The following EYS variants were observed in gnomAD, a reference collection of about 807,000 sequenced individuals.
EYS encodes the protein protein eyes shut homolog.
In EYS, 250 loss-of-function variants were observed where a neutral mutation model predicts 282.1. The observed-to-expected ratio is 0.89, with a 90% CI of 0.80 to 0.98. The LOEUF (loss-of-function observed/expected upper bound fraction) is 0.98. Among genes scored for constraint, EYS ranks in the 50% least tolerant of loss-of-function variants. The pLI is 0.00. For missense variants in EYS, 4,016 were observed against 3,709.0 expected (o/e 1.08, Z -2.15); for synonymous variants, 1,355 against 1,282.9 (o/e 1.06, Z -1.20).
intron 13 of EYS, among the ~76,000 whole-genome samples, chr6:65,026,773 T>A (rs561852369): frequency 1.3e-5 from 2 of 152,050 alleles, no homozygotes; most frequent in South Asian, 4.1e-4. Context: ...AAAAATTAGC[T>A]GGGCGTGGTG....
chr6:64,539,618 T>C (rs2149798211), intron 26 of EYS, among the ~76,000 whole-genome samples: 1 of 152,170 alleles, frequency 6.6e-6, no homozygotes, highest in East Asian at 1.9e-4. Context: ...ATTTGCTGGG[T>C]CTGGGATGAG....
At chr6:65,312,979 T>G (rs1769200501) in intron 11 of EYS, among the ~76,000 whole-genome samples, 1 of 151,540 alleles carries the variant, frequency 6.6e-6, no homozygotes, top group South Asian at 2.1e-4. Context: ...TTTGCTTTAC[T>G]CCAGTCCTCA....
intron 26 of EYS, among the ~76,000 whole-genome samples, chr6:64,446,123 G>A (rs1775108929): frequency 6.6e-6 from 1 of 152,170 alleles, no homozygotes; most frequent in South Asian, 2.1e-4. Flanking sequence ...TGGAGTTTAA[G>A]GATGAGTCTA....
intron 33 of EYS, among the ~76,000 whole-genome samples, chr6:64,041,981 C>T (rs114787629): frequency 0.014 from 2,092 of 152,176 alleles, 40 homozygotes; most frequent in African/African-American, 0.046. Context: ...TCACTCACTC[C>T]CCTCTTCATA....
intron 5 of EYS, among the ~76,000 whole-genome samples, chr6:65,473,198 T>C (rs1364885342): frequency 6.6e-6 from 1 of 151,964 alleles, no homozygotes; most frequent in Non-Finnish European, 1.5e-5. Flanking sequence ...GGTAAGGGAC[T>C]GTATGGTTAA....
chr6:64,269,537 TAGAA>T (rs1465767731), intron 30 of EYS, among the ~76,000 whole-genome samples: 1 of 151,894 alleles, frequency 6.6e-6, no homozygotes, highest in Non-Finnish European at 1.5e-5. Context: ...ACCAAAAAAA[TAGAA>T]AGTGTTCTAA....
chr6:63,910,660 C>T (rs1241321700), intron 35 of EYS, among the ~76,000 whole-genome samples: 1 of 152,158 alleles, frequency 6.6e-6, no homozygotes, highest in Non-Finnish European at 1.5e-5. Context: ...AATATCAGGA[C>T]TAAAACTCTT....
intron 14 of EYS, among the ~76,000 whole-genome samples, chr6:64,994,773 G>T (rs2150124521): frequency 6.6e-6 from 1 of 151,982 alleles, no homozygotes; most frequent in Admixed American, 6.6e-5. Flanking sequence ...TAGTATCTTT[G>T]TACTATTTTT....
chr6:64,189,540 A>G (rs1765043657), intron 31 of EYS, among the ~76,000 whole-genome samples: 1 of 152,328 alleles, frequency 6.6e-6, no homozygotes, highest in Non-Finnish European at 1.5e-5. Flanking sequence ...CAGTTATTTA[A>G]TCAAACACCA....
At chr6:65,074,278 A>G (rs1773983225) in intron 12 of EYS, among the ~76,000 whole-genome samples, 1 of 151,954 alleles carries the variant, frequency 6.6e-6, no homozygotes, top group African/African-American at 2.4e-5. Flanking sequence ...CCACAGGTTC[A>G]GCCAACATAG....
At chr6:64,749,623 C>T (rs941509671) in intron 22 of EYS, among the ~76,000 whole-genome samples, 1 of 152,064 alleles carries the variant, frequency 6.6e-6, no homozygotes, top group African/African-American at 2.4e-5. Context: ...AACATTTTAG[C>T]AAGTCTTGCT....
intron 7 of EYS, among the ~76,000 whole-genome samples, chr6:65,398,041 G>T (rs1766353460): frequency 1.3e-5 from 2 of 151,842 alleles, no homozygotes; most frequent in South Asian, 4.1e-4. Context: ...TTTTTTGGCT[G>T]CTTTTATATC....
intron 28 of EYS, among the ~76,000 whole-genome samples, chr6:64,416,687 A>G (rs926755716): frequency 2.6e-5 from 4 of 152,072 alleles, no homozygotes; most frequent in African/African-American, 9.7e-5. Context: ...TTATTTCTGC[A>G]TTTTTATTTT....
intron 2 of EYS, among the ~76,000 whole-genome samples, chr6:65,534,189 A>G (rs1186338793): frequency 6.6e-6 from 1 of 152,102 alleles, no homozygotes; most frequent in Non-Finnish European, 1.5e-5. Flanking sequence ...CCTTATAGGA[A>G]CTATTAATCA....
chr6:65,359,919 T>G (rs1027288241), intron 8 of EYS, among the ~76,000 whole-genome samples: 17 of 151,954 alleles, frequency 1.1e-4, no homozygotes, highest in African/African-American at 3.6e-4. Context: ...ATTATAGAAT[T>G]TTTTTCAACT....
At chr6:65,109,107 G>T (rs1188588167) in intron 12 of EYS, among the ~76,000 whole-genome samples, 7 of 151,208 alleles carry the variant, frequency 4.6e-5, no homozygotes, top group Non-Finnish European at 1.0e-4. Flanking sequence ...AACCTATTTT[G>T]TCTATTTTGT....
chr6:65,705,962 A>C (rs979325920), intron 1 of EYS, among the ~76,000 whole-genome samples: 1 of 151,972 alleles, frequency 6.6e-6, no homozygotes, highest in African/African-American at 2.4e-5. Context: ...CTGAATCATT[A>C]TTACCTAAAT....
chr6:64,068,384 A>G (rs1471071547), intron 32 of EYS, among the ~76,000 whole-genome samples: 1 of 151,932 alleles, frequency 6.6e-6, no homozygotes, highest in Non-Finnish European at 1.5e-5. Flanking sequence ...TCAGTTCTGT[A>G]TATTGACTTG....
At chr6:64,048,504 A>C (rs1187672533) in intron 33 of EYS, among the ~76,000 whole-genome samples, 1 of 152,096 alleles carries the variant, frequency 6.6e-6, no homozygotes, top group Non-Finnish European at 1.5e-5. Context: ...AAGTTGTAGA[A>C]ACCTTGGTCA....
Sources: gnomAD v4.1 joint callset for allele counts (sites outside exome capture counted in the v4.1 genomes callset) on GRCh38, gnomAD v4.1.1 for gene constraint, MANE v1.5 for transcripts, NCBI Gene and HGNC (gene_info 2026-07-23, HGNC 2026-07-21) for gene names.